PHACTR3: variants seen among roughly 807,000 people sequenced by gnomAD.
PHACTR3 encodes the protein protein phosphatase 1, regulatory subunit 123.
Under a neutral mutation model 66.8 loss-of-function variants are expected in PHACTR3, and 16 were observed. The observed-to-expected ratio is 0.24, with a 90% CI of 0.16 to 0.36. The LOEUF is 0.36. Among genes scored for constraint, PHACTR3 ranks in the 10% least tolerant of loss-of-function variants. The probability of loss-of-function intolerance (pLI) is 1.00; values close to 1 mark genes in which losing one functional copy is unlikely to be tolerated. For synonymous variants in PHACTR3, 323 were observed against 292.1 expected (o/e 1.11, Z -1.08); for missense variants, 647 against 719.9 (o/e 0.90, Z 1.16).
intron 1 of PHACTR3, among the ~76,000 whole-genome samples, chr20:59,670,992 A>T (rs75576213): frequency 0.028 from 4,326 of 152,222 alleles, 92 homozygotes; most frequent in Middle Eastern, 0.058. Flanking sequence ...TCATGTGCGC[A>T]TGCTTTCTCA....
chr20:59,818,451 A>AC (rs1406073498), intron 8 of PHACTR3, among the ~76,000 whole-genome samples: 1 of 152,280 alleles, frequency 6.6e-6, no homozygotes, highest in African/African-American at 2.4e-5. Context: ...TTGTTGAGAC[A>AC]TAATTCACAC....
chr20:59,773,305 A>G lies in PHACTR3; in HGVS notation c.778A>G (p.Ser260Gly). The change falls in exon 6 of 13, where the codon AGC (serine) becomes GGC (glycine). Residue 260 changes from serine to glycine, a missense_variant. By Grantham distance (56) the Ser-to-Gly change is moderately conservative (BLOSUM62 0). Coordinates refer to ENST00000371015, the MANE Select transcript of PHACTR3 (RefSeq NM_080672.5). ...CCAAGCCACACTCTTCCAAGCCTCC[A>G]GCATGAAGAGTGCCGACCCTTCCCT... ...TGQATLFQAS[S>G]MKSADPSLRG... 6.2e-7 allele frequency: 1 copy of G among 1,614,110 alleles called. No homozygotes were observed. The highest frequency in any genetic ancestry group is 2.2e-5 in the East Asian group (1 of 44,870).
rs1568875261 is a variant in PHACTR3 at position 59,840,265 on chromosome 20, T to C, written c.1385-104T>C. ...TGAGTGATGTGGAATTAACTTCAGC[T>C]CCCAGAAATATGGATATCTTGGGAA... is the stretch of plus-strand genomic sequence containing the variant. On this transcript the variant is annotated intron_variant, in intron 9 of 12. Coordinates refer to ENST00000371015, the MANE Select transcript of PHACTR3 (RefSeq NM_080672.5). 7 of 1,481,132 alleles carry C rather than the reference T, an allele frequency of 4.7e-6. No individual in the cohort carries two copies. In the East Asian group the frequency reaches 9.7e-5, roughly 20 times the overall value. 91.7% of individuals were successfully genotyped at this position (1,481,132 alleles called of 1,614,324 possible). A position where few individuals can be genotyped will look rare whatever the true frequency, so the allele number is the denominator to read the frequency against.
At chr20:59,826,563 C>T (rs1237338552) in intron 8 of PHACTR3, among the ~76,000 whole-genome samples, 2 of 151,500 alleles carry the variant, frequency 1.3e-5, no homozygotes, top group African/African-American at 4.8e-5. Flanking sequence ...TCTCTGCACA[C>T]ACCCTCCTGG....
chr20:59,844,909 CATATAACAAAATATCACATGTACCCTGT>C (rs773691865), intron 11 of PHACTR3: 235 of 246,890 alleles, frequency 9.5e-4, no homozygotes, highest in Non-Finnish European at 1.7e-3. Flanking sequence ...ACAGTCTATG[CATATAACAAAATATCACATGTACCCTGT>C]ATATATGTAC....
chr20:59,734,881 C>T (rs891406108), intron 1 of PHACTR3, among the ~76,000 whole-genome samples: 1 of 152,108 alleles, frequency 6.6e-6, no homozygotes, highest in Admixed American at 6.5e-5. Context: ...CCTCCCCTAG[C>T]TTCTAGTAGC....
At chr20:59,759,258 C>T (rs2039914496) in intron 4 of PHACTR3, among the ~76,000 whole-genome samples, 1 of 152,214 alleles carries the variant, frequency 6.6e-6, no homozygotes, top group Non-Finnish European at 1.5e-5. Flanking sequence ...ACCTCCACAA[C>T]ACCAGGTCAA....
intron 7 of PHACTR3, among the ~76,000 whole-genome samples, chr20:59,798,752 C>G (rs560419271): frequency 6.6e-6 from 1 of 152,118 alleles, no homozygotes; most frequent in East Asian, 1.9e-4. Context: ...CCCTTACCAT[C>G]TCTTTTTCCT....
At chr20:59,824,736 C>G (rs2042135988) in intron 8 of PHACTR3, among the ~76,000 whole-genome samples, 1 of 152,332 alleles carries the variant, frequency 6.6e-6, no homozygotes, top group African/African-American at 2.4e-5. Context: ...TTGACCTGAG[C>G]ATTGACCACC....
chr20:59,647,901 T>G (rs879449213), intron 1 of PHACTR3, among the ~76,000 whole-genome samples: 2 of 152,200 alleles, frequency 1.3e-5, no homozygotes, highest in Non-Finnish European at 2.9e-5. Flanking sequence ...TTTTTCTACT[T>G]TTTGCCAGCC....
At position 59,755,284 on chromosome 20, in the gene PHACTR3, C is replaced by T. The variant is rs2277759; in HGVS notation, c.461C>T (p.Pro154Leu). ...ACGCTGACTTCAGAAGATGCCCAGC[C>T]CGGAAGCCCCTTGGCCACTGGGACG... is the stretch of plus-strand genomic sequence containing the variant. ...SETLTSEDAQ[P>L]GSPLATGTDQ... is the part of the protein sequence containing the mutation. Residue 154 changes from proline (P) to leucine (L), a missense_variant, in exon 4 of 13, where the codon CCC becomes CTC. This residue lies in a region of PHACTR3 where 577 missense variants were observed against 571.1 expected (regional missense o/e 1.01). Coordinates refer to ENST00000371015, the MANE Select transcript of PHACTR3 (RefSeq NM_080672.5). The T allele has an allele frequency of 3.1e-4, 501 of 1,613,700 alleles. 2 individuals carry two copies. In the East Asian group the frequency reaches 9.6e-3, roughly 31 times the overall value.
intron 1 of PHACTR3, among the ~76,000 whole-genome samples, chr20:59,723,805 T>G (rs1410009581): frequency 6.6e-6 from 1 of 151,310 alleles, no homozygotes. Flanking sequence ...TGGTCAGGAG[T>G]AGAATGTTCA....
chr20:59,834,485 T>C (rs2042468931), intron 8 of PHACTR3, among the ~76,000 whole-genome samples: 1 of 152,220 alleles, frequency 6.6e-6, no homozygotes, highest in Admixed American at 6.5e-5. Context: ...ATGATTTCTC[T>C]TCCTTTACCT....
At chr20:59,696,784 G>A (rs184717457) in intron 1 of PHACTR3, among the ~76,000 whole-genome samples, 1 of 152,260 alleles carries the variant, frequency 6.6e-6, no homozygotes, top group East Asian at 1.9e-4. Flanking sequence ...TGGACCCTGG[G>A]TGGCAGGGCC....
intron 1 of PHACTR3, among the ~76,000 whole-genome samples, chr20:59,645,850 T>C (rs989419410): frequency 6.6e-6 from 1 of 152,162 alleles, no homozygotes; most frequent in Admixed American, 6.6e-5. Context: ...GAAAGCTTAA[T>C]AAATACGGCT....
intron 1 of PHACTR3, among the ~76,000 whole-genome samples, chr20:59,629,466 T>C (rs2034586090): frequency 2.0e-5 from 3 of 152,208 alleles, no homozygotes; most frequent in Admixed American, 1.3e-4. Flanking sequence ...TCTCTCGCAG[T>C]GCTGGAGGCT....
intron 4 of PHACTR3, among the ~76,000 whole-genome samples, chr20:59,757,147 C>T (rs1456771966): frequency 1.3e-5 from 2 of 152,256 alleles, no homozygotes; most frequent in African/African-American, 4.8e-5. Flanking sequence ...GTGGTCCCCA[C>T]AGCCCAGCCC....
intron 7 of PHACTR3, among the ~76,000 whole-genome samples, chr20:59,794,135 A>AAG (rs1266175686): frequency 6.6e-6 from 1 of 151,384 alleles, no homozygotes; most frequent in Admixed American, 6.6e-5. Context: ...AAAAAAAAAA[A>AAG]AAAAAAAAGA....
chr20:59,798,311 AG>A (rs2041312596), intron 7 of PHACTR3, among the ~76,000 whole-genome samples: 2 of 152,344 alleles, frequency 1.3e-5, no homozygotes, highest in East Asian at 3.9e-4. Flanking sequence ...CACTTGCAAA[AG>A]TCCCTGTCTG....
Sources: allele counts gnomAD v4.1 joint callset (sites outside exome capture counted in the v4.1 genomes callset), GRCh38; gene constraint gnomAD v4.1.1; regional missense constraint gnomAD v4.1.1; transcripts MANE v1.5; gene names NCBI Gene and HGNC (gene_info 2026-07-23, HGNC 2026-07-21).